Variants in HSPA4 observed in about 807,000 individuals in gnomAD.
The protein encoded by HSPA4 is heat shock 70 kDa protein 4.
Under a neutral mutation model 106.2 loss-of-function variants are expected in HSPA4, and 25 were observed. The ratio of observed to expected loss-of-function variants is 0.24; its 90% CI spans 0.17 to 0.33. The LOEUF is 0.33. Among genes scored for constraint, HSPA4 ranks in the 10% least tolerant of loss-of-function variants. The probability of loss-of-function intolerance (pLI) is 1.00; values close to 1 mark genes in which losing one functional copy is unlikely to be tolerated. For synonymous variants in HSPA4, 332 were observed against 333.6 expected, an observed-to-expected ratio of 1.00 and a Z score of 0.05; for missense variants, 841 against 996.0, an observed-to-expected ratio of 0.84 and a Z score of 2.10.
Position 133,067,741 on chromosome 5 carries a change from A to G in HSPA4, c.306+184A>G, listed in dbSNP as rs4705990. On this transcript the variant is annotated intron_variant, in intron 3 of 18. Transcript: ENST00000304858. The stretch of plus-strand genomic sequence containing the variant: ...ATGATCTGGATGTTGGTTGGGAGCC[A>G]TGAGTGGTGCTCTTAATATGGGTTG... Among the ~76,000 whole-genome samples, 55,945 of 151,900 alleles carry G rather than the reference A, an allele frequency of 0.37. 12,534 individuals are homozygous for G. The highest frequency in any genetic ancestry group is 0.64 in the African/African-American group (26,350 of 41,406).
intron 13 of HSPA4, 74 bp from the exon 14 acceptor site, chr5:133,096,024 T>G: frequency 6.7e-6 from 9 of 1,350,930 alleles, no homozygotes; most frequent in African/African-American, 3.0e-5. Context: ...AAAAACAGTT[T>G]TCCAACATGA....
In HSPA4 at chr5:133,096,029, A is replaced by G. The variant is rs538630843; in HGVS notation, c.1651-69A>G. On this transcript the variant is annotated intron_variant, in intron 13 of 18. Transcript: ENST00000304858. ...TAAAAAAAGCAAAAACAGTTTTCCA[A>G]CATGACTCATTTTGAAGTTTAAGGT... 156 of 1,392,688 alleles carry G rather than the reference A, an allele frequency of 1.1e-4. 1 individual carries two copies. In the African/African-American group the frequency reaches 1.9e-3, roughly 17 times the overall value. The allele number at this position is 1,392,688 out of a possible 1,614,324, so 86.3% of individuals were successfully genotyped here. A position where few individuals can be genotyped will look rare whatever the true frequency, so the allele number is the denominator to read the frequency against.
At chr5:133,086,908 A>G (rs771269398) in intron 8 of HSPA4, 50 bp downstream of exon 8, 2 of 1,334,180 alleles carry the variant, frequency 1.5e-6, no homozygotes, top group East Asian at 4.6e-5. Context: ...ACTGTTTGGA[A>G]ATTGTTATTT....
chr5:133,091,272 C>T lies in HSPA4; in HGVS notation c.1458C>T (p.Val486=). 1.2e-6 allele frequency: 2 copies of T among 1,613,858 alleles called. No individual in the cohort carries two copies. The highest frequency in any genetic ancestry group is 1.1e-5 in the South Asian group (1 of 91,080). ...TGAAAGTCAAAGTTCGAGTAAATGTCCATGGCATTTTCAGTGTGTCCAGTG... is the reference window on the plus strand; with the variant it reads ...TGAAAGTCAAAGTTCGAGTAAATGTTCATGGCATTTTCAGTGTGTCCAGTG... ...SKVKVKVRVN[V]HGIFSVSSAS... is the part of the protein sequence containing the mutation. Residue 486 remains valine (V), a synonymous_variant, in exon 12 of 19, where the codon GTC becomes GTT. Transcript: ENST00000304858.
chr5:133,080,918 C>G (rs1765506693), intron 7 of HSPA4, among the ~76,000 whole-genome samples: 1 of 152,202 alleles, frequency 6.6e-6, no homozygotes, highest in Admixed American at 6.5e-5. Context: ...GGTTGTGCAA[C>G]TGTGACCACT....
At chr5:133,088,997 T>G in intron 9 of HSPA4, 58 bp from the exon 10 acceptor site, 1 of 788,070 alleles carries the variant, frequency 1.3e-6, no homozygotes, top group South Asian at 2.0e-5. Flanking sequence ...TTAAGTGATA[T>G]TATCAGTTTA....
At chr5:133,095,834 A>G (rs1327306359) in intron 13 of HSPA4, among the ~76,000 whole-genome samples, 2 of 152,172 alleles carry the variant, frequency 1.3e-5, no homozygotes, top group Non-Finnish European at 2.9e-5. Context: ...CTCTATACCC[A>G]TTAAATAACT....
chr5:133,067,401 A>G lies in HSPA4; in HGVS notation c.166-16A>G. 1.3e-6 allele frequency: 2 copies of G among 1,597,424 alleles called. No individual in the cohort carries two copies. Among genetic ancestry groups the G allele is most frequent in the Non-Finnish European group, 1.7e-6 (2 of 1,171,726 alleles). On this transcript the variant is annotated splice_polypyrimidine_tract_variant and intron_variant, in intron 2 of 18. Coordinates refer to ENST00000304858, the MANE Select transcript of HSPA4 (RefSeq NM_002154.4). ...TTAGTAGTAGTCTTTCCACTCTTTG[A>G]TATTCTTTCTCTTAGGTAATTTCTA...
At chr5:133,103,714 T>C (rs1210841756) in intron 17 of HSPA4, 151 bp from the exon 18 acceptor site, 2 of 610,430 alleles carry the variant, frequency 3.3e-6, no homozygotes, top group Admixed American at 7.1e-5. Context: ...GTTAGGTTTC[T>C]TTTGAATAAT....
In HSPA4 at chr5:133,092,806, GTTTTT is replaced by G. The variant is rs57230598; in HGVS notation, c.1650+45_1650+49del. On this transcript the variant is annotated intron_variant, in intron 13 of 18. Transcript: ENST00000304858. The stretch of plus-strand genomic sequence containing the variant: ...GAAATGGAGGTATGCATTGGGTGGT[GTTTTT>G]TTTTTTTTTTTTTTTTTTTTTTTTT... 0.013 allele frequency: 6,081 copies of G among 470,264 alleles called. 49 individuals are homozygous for G. The highest frequency in any genetic ancestry group is 0.031 in the East Asian group (394 of 12,864). 29.1% of individuals were successfully genotyped at this position (470,264 alleles called of 1,614,324 possible).
chr5:133,089,988 C>T (rs1483256266), intron 11 of HSPA4, among the ~76,000 whole-genome samples: 2 of 152,146 alleles, frequency 1.3e-5, no homozygotes, highest in Non-Finnish European at 2.9e-5. Flanking sequence ...TTAGAACCAG[C>T]CAAATGGCTG....
At chr5:133,070,956 G>C (rs1011489559) in intron 4 of HSPA4, among the ~76,000 whole-genome samples, 1 of 151,998 alleles carries the variant, frequency 6.6e-6, no homozygotes, top group African/African-American at 2.4e-5. Context: ...CTCTTCTGCT[G>C]CTTAGCTTTT....
Position 133,089,651 on chromosome 5 carries a change from A to C in HSPA4, c.1334A>C (p.Tyr445Ser). The change falls in exon 11 of 19, where the codon TAC becomes TCC. Residue 445 changes from tyrosine to serine, a missense_variant. Tyr to Ser is a moderately radical substitution (Grantham distance 144). Coordinates refer to ENST00000304858, the MANE Select transcript of HSPA4 (RefSeq NM_002154.4). The stretch of plus-strand genomic sequence containing the variant: ...AAGGAACCTTTCACTCTTGAGGCCT[A>C]CTACAGCTCTCCTCAGGATTTGCCC... The part of the protein sequence containing the change: ...YRKEPFTLEA[Y>S]YSSPQDLPYP... 6.2e-7 allele frequency: 1 copy of C among 1,611,352 alleles called. No homozygotes were observed. The highest frequency in any genetic ancestry group is 8.5e-7 in the Non-Finnish European group (1 of 1,178,124).
chr5:133,072,693 C>T (rs1280906685), intron 4 of HSPA4, among the ~76,000 whole-genome samples: 1 of 151,912 alleles, frequency 6.6e-6, no homozygotes, highest in African/African-American at 2.4e-5. Context: ...AGGCGTGAGC[C>T]ACCACGCCTG....
intron 3 of HSPA4, among the ~76,000 whole-genome samples, chr5:133,068,985 A>C (rs1054377749): frequency 1.2e-4 from 19 of 152,292 alleles, no homozygotes; most frequent in Non-Finnish European, 1.9e-4. Context: ...TAAAGTAAGA[A>C]CTGTTCAATT....
chr5:133,097,162 G>T lies in HSPA4; in HGVS notation c.1805G>T (p.Gly602Val). The change falls in exon 15 of 19, where the codon GGT (glycine) becomes GTT (valine). Residue 602 changes from glycine (G) to valine (V), a missense_variant and splice_region_variant. Physicochemically the swap from Gly to Val is moderately radical, Grantham distance 109. Transcript: ENST00000304858. Reference sequence around the variant, plus strand: ...TTTATACATAATATTTATTCTCAGGGTAAGATGATCATGCAGGATAAACTG... The same window carrying T: ...TTTATACATAATATTTATTCTCAGGTTAAGATGATCATGCAGGATAAACTG... ...EMLNLYIENEGKMIMQDKLEK... is the reference protein window; with the variant it reads ...EMLNLYIENEVKMIMQDKLEK... 6.2e-7 allele frequency: 1 copy of T among 1,608,134 alleles called. No homozygotes were observed. The highest frequency in any genetic ancestry group is 2.2e-5 in the East Asian group (1 of 44,770).
At chr5:133,089,720 A>T in intron 11 of HSPA4, 25 bp downstream of exon 11, 1 of 1,490,482 alleles carries the variant, frequency 6.7e-7, no homozygotes, top group Non-Finnish European at 8.9e-7. Context: ...GGAAATTAAA[A>T]AAGAAAAAAA....
chr5:133,071,562 T>G (rs1467423604), intron 4 of HSPA4, among the ~76,000 whole-genome samples: 2 of 152,238 alleles, frequency 1.3e-5, no homozygotes, highest in Non-Finnish European at 2.9e-5. Context: ...GGTGGAATCC[T>G]TAGGGACTGT....
At chr5:133,068,066 G>A (rs113453423) in intron 3 of HSPA4, among the ~76,000 whole-genome samples, 2,364 of 151,716 alleles carry the variant, frequency 0.016, 28 homozygotes, top group Middle Eastern at 0.038. Flanking sequence ...GTAGTTTTTT[G>A]CATCTTTAGT....
Sources: allele counts gnomAD v4.1 joint callset (sites outside exome capture counted in the v4.1 genomes callset), GRCh38; gene constraint gnomAD v4.1.1; transcripts MANE v1.5; gene names NCBI Gene and HGNC (gene_info 2026-07-23, HGNC 2026-07-21).